The following ATP9B variants were observed in gnomAD, a reference collection of about 807,000 sequenced individuals.
The protein encoded by ATP9B is ATPase phospholipid transporting 9B.
A neutral mutation model predicts 146.1 loss-of-function variants in ATP9B; 110 were observed. The ratio of observed to expected loss-of-function variants is 0.75; its 90% CI spans 0.65 to 0.88. ATP9B has a LOEUF of 0.88. Among genes scored for constraint, ATP9B ranks in the 40% least tolerant of loss-of-function variants. The probability of loss-of-function intolerance (pLI) is 0.00; values close to 1 mark genes in which losing one functional copy is unlikely to be tolerated. For synonymous variants in ATP9B, 604 were observed against 569.7 expected (o/e 1.06, Z -0.86); for missense variants, 1,499 against 1,496.4 (o/e 1.00, Z -0.03).
At chr18:79,093,050 G>A (rs900508545) in intron 1 of ATP9B, among the ~76,000 whole-genome samples, 27 of 152,124 alleles carry the variant, frequency 1.8e-4, no homozygotes, top group African/African-American at 6.3e-4. Context: ...CCACAAAGAT[G>A]TGAGTAATGC....
intron 12 of ATP9B, among the ~76,000 whole-genome samples, chr18:79,266,669 G>A (rs1159172406): frequency 6.6e-6 from 1 of 151,866 alleles, no homozygotes; most frequent in Non-Finnish European, 1.5e-5. Flanking sequence ...TGTATTTTAG[G>A]AAATATTTTT....
chr18:79,288,670 G>T (rs972443885), intron 13 of ATP9B, among the ~76,000 whole-genome samples: 11 of 152,122 alleles, frequency 7.2e-5, no homozygotes, highest in African/African-American at 2.7e-4. Context: ...ATGTTAGCTG[G>T]TTATTTTGCT....
rs538958097 is a variant in ATP9B at position 79,307,292 on chromosome 18, T to A, written c.1773+58T>A. 40 of 1,604,930 alleles carry A rather than the reference T, an allele frequency of 2.5e-5. No homozygotes were observed. The African/African-American group carries it at 4.3e-4, about 17-fold the overall frequency. On this transcript the variant is annotated intron_variant, in intron 15 of 29. Coordinates refer to ENST00000426216, the MANE Select transcript of ATP9B (RefSeq NM_198531.5). ...CCGTTCCATTTGGACTCCAGAGTCATGAGGATTCATTCTTTCTGGGATGGG... is the reference window on the plus strand; with the variant it reads ...CCGTTCCATTTGGACTCCAGAGTCAAGAGGATTCATTCTTTCTGGGATGGG...
chr18:79,247,073 A>G (rs2095975073), intron 11 of ATP9B, among the ~76,000 whole-genome samples: 4 of 152,222 alleles, frequency 2.6e-5, no homozygotes, highest in Admixed American at 6.5e-5. Context: ...GCTTTGATGT[A>G]TCACAAGTTG....
At chr18:79,201,708 T>A (rs1261820452) in intron 9 of ATP9B, among the ~76,000 whole-genome samples, 1 of 152,160 alleles carries the variant, frequency 6.6e-6, no homozygotes, top group Non-Finnish European at 1.5e-5. Context: ...CAGTTGGGAC[T>A]ACGGGTGTGC....
chr18:79,252,865 C>T (rs961858709), intron 11 of ATP9B, among the ~76,000 whole-genome samples: 2 of 147,250 alleles, frequency 1.4e-5, no homozygotes, highest in Non-Finnish European at 3.0e-5. Flanking sequence ...GAAAGACATA[C>T]ATACTGTCCT....
chr18:79,265,991 G>T (rs1241063649), intron 12 of ATP9B, among the ~76,000 whole-genome samples: 1 of 152,164 alleles, frequency 6.6e-6, no homozygotes, highest in Non-Finnish European at 1.5e-5. Context: ...TTATTGAATA[G>T]GGAGTCCTTT....
At chr18:79,115,591 GAA>G (rs1399333614) in intron 4 of ATP9B, 2 of 122,292 alleles carry the variant, frequency 1.6e-5, no homozygotes, top group African/African-American at 7.5e-5. Flanking sequence ...CAATGGAACA[GAA>G]GAGAGCCCTC....
intron 11 of ATP9B, among the ~76,000 whole-genome samples, chr18:79,248,725 T>C (rs2095993598): frequency 6.6e-6 from 1 of 152,244 alleles, no homozygotes; most frequent in African/African-American, 2.4e-5. Flanking sequence ...TAAAATAATT[T>C]AGTTTTCTGC....
intron 13 of ATP9B, among the ~76,000 whole-genome samples, chr18:79,286,049 C>T (rs1431784874): frequency 6.6e-6 from 1 of 151,612 alleles, no homozygotes; most frequent in African/African-American, 2.4e-5. Flanking sequence ...AGTCAGGTAG[C>T]ATGATGCCTC....
At chr18:79,190,660 T>C (rs2095357413) in intron 8 of ATP9B, among the ~76,000 whole-genome samples, 1 of 152,054 alleles carries the variant, frequency 6.6e-6, no homozygotes, top group African/African-American at 2.4e-5. Context: ...TTTCTCCTGC[T>C]TTAGGCTCGT....
chr18:79,250,276 G>A (rs2096010037), intron 11 of ATP9B, among the ~76,000 whole-genome samples: 1 of 152,218 alleles, frequency 6.6e-6, no homozygotes, highest in Non-Finnish European at 1.5e-5. Context: ...GTGTGAGGTG[G>A]TGGTTATGCA....
chr18:79,118,682 G>T (rs753065566), intron 4 of ATP9B, among the ~76,000 whole-genome samples: 2 of 151,930 alleles, frequency 1.3e-5, no homozygotes, highest in Non-Finnish European at 2.9e-5. Context: ...TTACAGGTGT[G>T]AGCCACCGTG....
Position 79,303,715 on chromosome 18 carries a change from A to T in ATP9B, c.1523A>T (p.Gln508Leu). The change falls in exon 14 of 30, where the codon CAG (glutamine) becomes CTG (leucine). Residue 508 changes from glutamine to leucine, a missense_variant and splice_region_variant. Gln to Leu is a moderately radical substitution (Grantham distance 113, BLOSUM62 -2). Transcript: ENST00000426216. ...IQSHVRDSYS[Q>L]MQSQAGGNNT... ...AGCCATGTCAGGGACTCCTACTCAC[A>T]GGTAAGTGGGTTCCTCCTGCACGGG... is the stretch of plus-strand genomic sequence containing the variant. 1.2e-6 allele frequency: 2 copies of T among 1,612,450 alleles called. No homozygotes were observed. Among genetic ancestry groups the T allele is most frequent in the Non-Finnish European group, 1.7e-6 (2 of 1,178,818 alleles).
intron 12 of ATP9B, chr18:79,254,211 T>A (rs148379143): frequency 5.2e-5 from 8 of 152,496 alleles, no homozygotes; most frequent in African/African-American, 1.9e-4. Flanking sequence ...CTAGAATATC[T>A]ACCTTTTGTA....
chr18:79,354,288 C>A (rs3744828), intron 25 of ATP9B: 24,844 of 151,598 alleles, frequency 0.16, 2,107 homozygotes, highest in Admixed American at 0.2. Flanking sequence ...ACAAAAAAAA[C>A]CCCAGCCAAG....
rs143038594 is a variant in ATP9B at position 79,216,450 on chromosome 18, C to T, written c.1107+2412C>T. On this transcript the variant is annotated intron_variant, in intron 11 of 29. Transcript: ENST00000426216. Reference sequence around the variant, plus strand: ...AGGAACAAGGTCATGCTCATGCACACGTTGCTCTTAGGAAAGTACTTGCTA... The same window carrying T: ...AGGAACAAGGTCATGCTCATGCACATGTTGCTCTTAGGAAAGTACTTGCTA... 5.3e-5 allele frequency among the ~76,000 whole-genome samples: 8 copies of T among 152,334 alleles called. 1 individual carries two copies. In the East Asian group the frequency reaches 1.5e-3, roughly 29 times the overall value.
chr18:79,263,279 C>T (rs201679277), intron 12 of ATP9B, among the ~76,000 whole-genome samples: 1 of 152,168 alleles, frequency 6.6e-6, no homozygotes, highest in African/African-American at 2.4e-5. Flanking sequence ...GATACCAGAA[C>T]GCATGTGTAC....
intron 5 of ATP9B, among the ~76,000 whole-genome samples, chr18:79,132,921 T>C (rs927710933): frequency 2.0e-5 from 3 of 152,272 alleles, no homozygotes; most frequent in African/African-American, 7.2e-5. Flanking sequence ...TTTTAACCAG[T>C]ATATTATCAC....
Sources: allele counts gnomAD v4.1 joint callset (sites outside exome capture counted in the v4.1 genomes callset), GRCh38; gene constraint gnomAD v4.1.1; transcripts MANE v1.5; gene names NCBI Gene and HGNC (gene_info 2026-07-23, HGNC 2026-07-21).